The following PDE4B variants were observed in gnomAD, a reference collection of about 807,000 sequenced individuals.
PDE4B encodes phosphodiesterase 4B.
In PDE4B, 20 loss-of-function variants were observed where a neutral mutation model predicts 82.2. The observed-to-expected ratio is 0.24, with a 90% CI of 0.17 to 0.35. The LOEUF is 0.35. Ranked by LOEUF, PDE4B falls within the 10% of genes least tolerant of loss-of-function variation. The probability of loss-of-function intolerance (pLI) is 1.00; values close to 1 mark genes in which losing one functional copy is unlikely to be tolerated. For synonymous variants in PDE4B, 320 were observed against 318.9 expected (o/e 1.00, Z -0.04); for missense variants, 655 against 907.2 (o/e 0.72, Z 3.57).
intron 3 of PDE4B, among the ~76,000 whole-genome samples, chr1:66,188,426 A>T (rs1201104773): frequency 6.6e-6 from 1 of 151,968 alleles, no homozygotes; most frequent in South Asian, 2.1e-4. Flanking sequence ...TCTAATGTTG[A>T]CAGTGGGGTG....
chr1:66,321,440 A>G (rs192343878), intron 7 of PDE4B, among the ~76,000 whole-genome samples: 66 of 152,342 alleles, frequency 4.3e-4, no homozygotes, highest in South Asian at 8.3e-4. Context: ...TAAAGAAGTC[A>G]TAATGCCATC....
chr1:66,316,559 T>C (rs1322961957), intron 7 of PDE4B, among the ~76,000 whole-genome samples: 2 of 152,256 alleles, frequency 1.3e-5, no homozygotes, highest in South Asian at 4.1e-4. Context: ...CCTGTCTGTA[T>C]GTGTGTGTTC....
chr1:66,034,400 T>G (rs1653958719), intron 3 of PDE4B, among the ~76,000 whole-genome samples: 1 of 152,230 alleles, frequency 6.6e-6, no homozygotes, highest in Non-Finnish European at 1.5e-5. Context: ...GAAAAAGAAC[T>G]ATCAGTTCTA....
chr1:66,048,840 A>G (rs916025421), intron 3 of PDE4B: 1 of 152,024 alleles, frequency 6.6e-6, no homozygotes, highest in African/African-American at 2.4e-5. Flanking sequence ...AGGACACACA[A>G]GAAGTCCACT....
At chr1:66,361,837 C>T (rs773683915) in intron 10 of PDE4B, 44 bp downstream of exon 10, 48 of 1,475,244 alleles carry the variant, frequency 3.3e-5, no homozygotes, top group Non-Finnish European at 4.3e-5. Context: ...CTCTGCTTTA[C>T]AGCAGACGGA....
chr1:65,934,991 C>T (rs1648047596), intron 3 of PDE4B, among the ~76,000 whole-genome samples: 1 of 152,088 alleles, frequency 6.6e-6, no homozygotes, highest in Non-Finnish European at 1.5e-5. Context: ...CAGACTTGAA[C>T]AGCACTATAG....
chr1:66,352,479 C>T (rs967879418), intron 8 of PDE4B, among the ~76,000 whole-genome samples: 1 of 152,140 alleles, frequency 6.6e-6, no homozygotes, highest in Non-Finnish European at 1.5e-5. Context: ...GGTCCTGTGG[C>T]AATGGAAGAC....
chr1:65,949,947 ACCTG>A (rs367605495), intron 3 of PDE4B, among the ~76,000 whole-genome samples: 6 of 152,074 alleles, frequency 3.9e-5, no homozygotes, highest in African/African-American at 1.4e-4. Flanking sequence ...TGTGTAAGAG[ACCTG>A]CCTAGACTGA....
chr1:65,892,429 C>A (rs1646861720), intron 1 of PDE4B, among the ~76,000 whole-genome samples: 1 of 152,098 alleles, frequency 6.6e-6, no homozygotes, highest in Non-Finnish European at 1.5e-5. Flanking sequence ...TAAAGGGAAT[C>A]ACCAAGCAAA....
At chr1:65,874,604 A>C (rs1314835396) in intron 1 of PDE4B, among the ~76,000 whole-genome samples, 1 of 152,100 alleles carries the variant, frequency 6.6e-6, no homozygotes, top group Non-Finnish European at 1.5e-5. Context: ...AGAGATATAG[A>C]TCAATGGAAC....
intron 3 of PDE4B, among the ~76,000 whole-genome samples, chr1:66,186,415 T>A (rs1053715679): frequency 3.3e-5 from 5 of 152,182 alleles, no homozygotes; most frequent in African/African-American, 1.2e-4. Flanking sequence ...AATCTATAAA[T>A]CACCTTGGGC....
chr1:66,227,144 T>G (rs1339823338), intron 3 of PDE4B, among the ~76,000 whole-genome samples: 1 of 152,188 alleles, frequency 6.6e-6, no homozygotes, highest in Non-Finnish European at 1.5e-5. Context: ...TAATTCTGTT[T>G]CGGCCATGTG....
At chr1:65,883,221 C>T (rs1212493360) in intron 1 of PDE4B, among the ~76,000 whole-genome samples, 1 of 152,106 alleles carries the variant, frequency 6.6e-6, no homozygotes, top group Non-Finnish European at 1.5e-5. Flanking sequence ...ATGGGGATGG[C>T]ATTGAATCTA....
intron 3 of PDE4B, among the ~76,000 whole-genome samples, chr1:66,245,731 G>A (rs183628668): frequency 5.1e-4 from 78 of 152,322 alleles, no homozygotes; most frequent in Non-Finnish European, 9.4e-4. Flanking sequence ...TACCTTGAAA[G>A]ACCAAACATA....
chr1:66,219,463 A>G (rs1005814606), intron 3 of PDE4B, among the ~76,000 whole-genome samples: 2 of 150,222 alleles, frequency 1.3e-5, no homozygotes, highest in African/African-American at 5.0e-5. Flanking sequence ...AAGATGTGCT[A>G]TCTGTTTCCA....
intron 3 of PDE4B, among the ~76,000 whole-genome samples, chr1:66,034,517 A>G (rs1382278401): frequency 6.6e-6 from 1 of 152,192 alleles, no homozygotes; most frequent in Admixed American, 6.5e-5. Context: ...ACAGTGTTTC[A>G]TGAACTGGCT....
chr1:66,332,664 G>A, intron 8 of PDE4B, 44 bp downstream of exon 8: 2 of 1,555,416 alleles, frequency 1.3e-6, no homozygotes, highest in Non-Finnish European at 1.8e-6. Flanking sequence ...ATCATGCAGG[G>A]AGCTCCAGCT....
In PDE4B at chr1:66,268,716, A is replaced by G. The variant is rs1655245071; in HGVS notation, c.634+2629A>G. The stretch of plus-strand genomic sequence containing the variant: ...AGAAAGAAAAAGAAAATAAAGAAAG[A>G]AATACCAGAAATACCCTTCTTCTCA... On this transcript the variant is annotated intron_variant, in intron 7 of 16. Transcript: ENST00000341517. Among the ~76,000 whole-genome samples the G allele has an allele frequency of 3.3e-5, 5 of 151,768 alleles. No homozygotes were observed. In the South Asian group the frequency reaches 1.0e-3, roughly 31 times the overall value.
chr1:66,049,664 A>G (rs1274370444), intron 3 of PDE4B, among the ~76,000 whole-genome samples: 3 of 152,000 alleles, frequency 2.0e-5, no homozygotes, highest in Non-Finnish European at 4.4e-5. Context: ...GGATTTCCTA[A>G]ATAATCCTTC....
Sources: gnomAD v4.1 joint callset for allele counts (sites outside exome capture counted in the v4.1 genomes callset) on GRCh38, gnomAD v4.1.1 for gene constraint, MANE v1.5 for transcripts, NCBI Gene and HGNC (gene_info 2026-07-23, HGNC 2026-07-21) for gene names.